TMEM181: variants seen among roughly 807,000 people sequenced by gnomAD.
The protein encoded by TMEM181 is G protein-coupled receptor 178.
TMEM181 carries 39 observed loss-of-function variants against 71.9 expected under a neutral mutation model. The observed-to-expected ratio is 0.54, with a 90% CI of 0.42 to 0.71. TMEM181 has a LOEUF of 0.71. TMEM181 is among the 30% of genes least tolerant of loss of function. TMEM181 has a pLI of 0.00. For missense variants in TMEM181, 595 were observed against 583.0 expected, an observed-to-expected ratio of 1.02 and a Z score of -0.21; for synonymous variants, 245 against 228.8, an observed-to-expected ratio of 1.07 and a Z score of -0.64.
chr6:158,536,707 G>C (rs970684754), exon 1 of TMEM181: 11 of 1,549,616 alleles, frequency 7.1e-6, no homozygotes, highest in Non-Finnish European at 9.5e-6. Context: ...GTGGAGCGGC[G>C]GGACCGGGAC....
intron 11 of TMEM181, among the ~76,000 whole-genome samples, chr6:158,624,791 G>A (rs984410201): frequency 4.6e-5 from 7 of 152,318 alleles, no homozygotes; most frequent in African/African-American, 1.7e-4. Flanking sequence ...CCCCAGGGGC[G>A]AGAGAGACAG....
intron 10 of TMEM181, among the ~76,000 whole-genome samples, chr6:158,618,390 G>A (rs1785745667): frequency 6.6e-6 from 1 of 152,150 alleles, no homozygotes; most frequent in Non-Finnish European, 1.5e-5. Context: ...GTGTGTCTCT[G>A]CACGTGAGAT....
chr6:158,624,457 C>A (rs549043215), intron 11 of TMEM181, among the ~76,000 whole-genome samples: 1 of 152,212 alleles, frequency 6.6e-6, no homozygotes, highest in Non-Finnish European at 1.5e-5. Context: ...CCGGAGCCAT[C>A]GAGGAGCGGG....
chr6:158,623,609 T>C lies in TMEM181; in HGVS notation c.954+2T>C. 1 of 1,574,164 alleles carries C rather than the reference T, an allele frequency of 6.4e-7. No homozygotes were observed. Among genetic ancestry groups the C allele is most frequent in the Non-Finnish European group, 8.7e-7 (1 of 1,155,800 alleles). On this transcript the variant is annotated splice_donor_variant, in intron 11 of 16. Coordinates refer to ENST00000684151, the MANE Select transcript of TMEM181 (RefSeq NM_001376852.1). LOFTEE classifies it high-confidence loss of function. ...CGAGTTGATACCGGAAATTTTCAGG[T>C]AAGGATTGTTAATGAGGCCTGCAAT...
intron 2 of TMEM181, 138 bp downstream of exon 2, chr6:158,573,661 A>T (rs951163146): frequency 4.2e-5 from 30 of 719,448 alleles, no homozygotes; most frequent in Admixed American, 9.9e-5. Context: ...CACAGGGTGG[A>T]TGGGGTCCCA....
At chr6:158,560,785 T>C (rs1347599467) in intron 1 of TMEM181, among the ~76,000 whole-genome samples, 1 of 151,420 alleles carries the variant, frequency 6.6e-6, no homozygotes, top group East Asian at 2.0e-4. Flanking sequence ...TATATGAGTT[T>C]TATGCGTTTT....
chr6:158,573,587 C>A, intron 2 of TMEM181, 64 bp downstream of exon 2: 2 of 1,379,610 alleles, frequency 1.4e-6, no homozygotes, highest in Non-Finnish European at 2.0e-6. Context: ...GTATTGCTTT[C>A]GGTCAGCCCA....
intron 6 of TMEM181, among the ~76,000 whole-genome samples, chr6:158,602,401 T>C (rs143530745): frequency 3.3e-3 from 506 of 152,318 alleles, no homozygotes; most frequent in African/African-American, 0.011. Context: ...CTTGGATAAA[T>C]GCTAGAAATG....
chr6:158,584,520 G>A (rs996287856), intron 4 of TMEM181, among the ~76,000 whole-genome samples: 2 of 152,170 alleles, frequency 1.3e-5, no homozygotes, highest in Admixed American at 6.5e-5. Context: ...TGTCAGTGAT[G>A]CAGAGGCTGA....
chr6:158,607,169 CCGG>C, intron 7 of TMEM181, 72 bp from the exon 8 acceptor site: 3 of 1,223,788 alleles, frequency 2.5e-6, no homozygotes, highest in Non-Finnish European at 2.4e-6. Context: ...ACCTGGTATG[CCGG>C]CAAGGTGTGA....
intron 10 of TMEM181, among the ~76,000 whole-genome samples, chr6:158,614,616 C>T (rs903455635): frequency 6.6e-6 from 1 of 152,134 alleles, no homozygotes; most frequent in Non-Finnish European, 1.5e-5. Flanking sequence ...AGGTATATCT[C>T]CTAATGCTGT....
chr6:158,633,675 T>G lies in TMEM181; in HGVS notation c.*1787T>G, dbSNP rs1786783768. 6.6e-6 allele frequency: 1 copy of G among 152,244 alleles called. No homozygotes were observed. The highest frequency in any genetic ancestry group is 2.4e-5 in the African/African-American group (1 of 41,470). 9.4% of individuals were successfully genotyped at this position (152,244 alleles called of 1,614,324 possible). On this transcript the variant is annotated 3_prime_UTR_variant, in exon 17 of 17. Coordinates refer to ENST00000684151, the MANE Select transcript of TMEM181 (RefSeq NM_001376852.1). ...GTATCTTTCCTTTTAATTTAAACTT[T>G]AATGATAATGTACTTTTAATATGGA... is the stretch of plus-strand genomic sequence containing the variant.
rs1334210843 is a variant in TMEM181, at chr6:158,620,303, G to C, written c.897-3247G>C. Among the ~76,000 whole-genome samples the C allele has an allele frequency of 6.6e-6, 1 of 152,100 alleles. No homozygotes were observed. Among genetic ancestry groups the C allele is most frequent in the Non-Finnish European group, 1.5e-5 (1 of 68,010 alleles). On this transcript the variant is annotated intron_variant, in intron 10 of 16. Transcript: ENST00000684151. The surrounding 1 kb of genome is among the most constrained non-coding windows in gnomAD (Gnocchi z 4.5). ...GGACAGTTAAGCTGAGAAGAAACTGGGCGCCCCCAAGATGTCCTCTAGCTT... is the reference window on the plus strand; with the variant it reads ...GGACAGTTAAGCTGAGAAGAAACTGCGCGCCCCCAAGATGTCCTCTAGCTT...
upstream of TMEM181, chr6:158,559,941 C>G (rs138314588): frequency 3.9e-6 from 2 of 518,986 alleles, no homozygotes; most frequent in Non-Finnish European, 4.9e-6. Flanking sequence ...AGCCTGGGTG[C>G]TCCCGGCCGT....
intron 10 of TMEM181, among the ~76,000 whole-genome samples, chr6:158,622,675 A>G (rs759969382): frequency 3.3e-5 from 5 of 152,252 alleles, no homozygotes; most frequent in African/African-American, 4.8e-5. Context: ...AAGTGAAACC[A>G]TGGGTAAGTA....
At chr6:158,627,725 CTT>C (rs1410792980) in intron 13 of TMEM181, among the ~76,000 whole-genome samples, 2 of 152,174 alleles carry the variant, frequency 1.3e-5, no homozygotes, top group African/African-American at 4.8e-5. Context: ...AGAGCGAGCT[CTT>C]GAGTCCAGTT....
chr6:158,609,551 C>T (rs1262223395), intron 10 of TMEM181, among the ~76,000 whole-genome samples: 1 of 152,222 alleles, frequency 6.6e-6, no homozygotes, highest in African/African-American at 2.4e-5. Context: ...TCATGACCCG[C>T]TTTGAGGAAA....
chr6:158,547,638 T>C (rs1052766063), intron 1 of TMEM181, among the ~76,000 whole-genome samples: 1 of 152,046 alleles, frequency 6.6e-6, no homozygotes, highest in Non-Finnish European at 1.5e-5. Context: ...CCCAGGCTGC[T>C]CATTTCTCCA....
chr6:158,619,867 C>CA (rs61626531), intron 10 of TMEM181, among the ~76,000 whole-genome samples: 2,801 of 67,446 alleles, frequency 0.042, 103 homozygotes, highest in African/African-American at 0.1. Context: ...GACTCCGTCT[C>CA]AAAAAAAAAA....
Sources: allele counts gnomAD v4.1 joint callset (sites outside exome capture counted in the v4.1 genomes callset), GRCh38; gene constraint gnomAD v4.1.1; non-coding constraint Gnocchi (gnomAD v3.1); transcripts MANE v1.5; gene names NCBI Gene and HGNC (gene_info 2026-07-23, HGNC 2026-07-21).